Variants in GALK2 observed in about 807,000 individuals in gnomAD.
GALK2 encodes N-acetylgalactosamine kinase.
Under a neutral mutation model 52.4 loss-of-function variants are expected in GALK2, and 36 were observed. The observed-to-expected ratio is 0.69, with a 90% confidence interval of 0.53 to 0.91. The LOEUF (loss-of-function observed/expected upper bound fraction) is 0.91, where lower values mean the gene tolerates loss of function less well. GALK2 is among the 40% of genes least tolerant of loss of function. The pLI is 0.00. For missense variants in GALK2, 579 were observed against 559.1 expected (o/e 1.04, Z -0.36); for synonymous variants, 176 against 199.1 (o/e 0.88, Z 0.98).
chr15:49,178,446 A>G (rs111472613), intron 1 of GALK2: 5 of 254,242 alleles, frequency 2.0e-5, no homozygotes, highest in African/African-American at 2.3e-5. Flanking sequence ...CTCGTCTTCA[A>G]TGGACTTCAA....
At chr15:49,294,085 C>A (rs2034206390) in intron 8 of GALK2, among the ~76,000 whole-genome samples, 1 of 107,096 alleles carries the variant, frequency 9.3e-6, no homozygotes, top group African/African-American at 3.6e-5. Flanking sequence ...GAGACCCTGT[C>A]TCAAATAAAT....
intron 5 of GALK2, among the ~76,000 whole-genome samples, chr15:49,269,857 C>A (rs1426514385): frequency 1.3e-5 from 2 of 152,226 alleles, no homozygotes; most frequent in African/African-American, 2.4e-5. Flanking sequence ...AAACTCTATC[C>A]TTTCTATCTA....
At chr15:49,166,304 C>A (rs2084821275), upstream of GALK2, among the ~76,000 whole-genome samples, 1 of 152,102 alleles carries the variant, frequency 6.6e-6, no homozygotes, top group Non-Finnish European at 1.5e-5. Flanking sequence ...TCGGTTAAAG[C>A]ATTTTTGCAC....
chr15:49,197,959 A>C (rs1015894719), intron 1 of GALK2, among the ~76,000 whole-genome samples: 4 of 152,148 alleles, frequency 2.6e-5, no homozygotes, highest in African/African-American at 4.8e-5. Flanking sequence ...GGCTGTTGAA[A>C]AGCACTAATA....
chr15:49,157,960 G>A (rs918048702), intron 1 of GALK2, among the ~76,000 whole-genome samples: 2 of 152,100 alleles, frequency 1.3e-5, no homozygotes, highest in African/African-American at 4.8e-5. Context: ...ATGAAGATAA[G>A]TGAAATAGTA....
upstream of GALK2, chr15:49,170,241 C>G: frequency 6.5e-7 from 1 of 1,539,694 alleles, no homozygotes; most frequent in Non-Finnish European, 8.8e-7. Flanking sequence ...GAAAACGGCT[C>G]CTGTCACAGA....
At chr15:49,343,057 T>C (rs1215268291) in intron 3 of GALK2, among the ~76,000 whole-genome samples, 1 of 152,178 alleles carries the variant, frequency 6.6e-6, no homozygotes, top group Admixed American at 6.5e-5. Context: ...AATCTGGTTG[T>C]CTACCTCTCT....
chr15:49,328,393 T>G lies in GALK2; in HGVS notation c.*234T>G. On this transcript the variant is annotated 3_prime_UTR_variant, in exon 10 of 10. Transcript: ENST00000560031. Reference sequence around the variant, plus strand: ...AGCCAAGATCATGCTTGGACAGATCTTTTAAGAATAACTTACTGAGATTTA... The same window carrying G: ...AGCCAAGATCATGCTTGGACAGATCGTTTAAGAATAACTTACTGAGATTTA... 7.0e-7 allele frequency: 1 copy of G among 1,429,758 alleles called. No homozygotes were observed. The highest frequency in any genetic ancestry group is 9.1e-7 in the Non-Finnish European group (1 of 1,095,438). 88.6% of individuals were successfully genotyped at this position (1,429,758 alleles called of 1,614,324 possible).
chr15:49,319,258 C>G, intron 8 of GALK2: 1 of 353,090 alleles, frequency 2.8e-6, no homozygotes, highest in South Asian at 2.2e-5. Context: ...CTGGCCTACA[C>G]AAAGTAGTAT....
At chr15:49,308,404 A>G (rs2035720836) in intron 8 of GALK2, among the ~76,000 whole-genome samples, 1 of 152,208 alleles carries the variant, frequency 6.6e-6, no homozygotes, top group African/African-American at 2.4e-5. Context: ...CTAGGGTATG[A>G]AAGTCTCAGA....
chr15:49,191,001 C>T (rs73390399), intron 1 of GALK2, among the ~76,000 whole-genome samples: 1,534 of 152,122 alleles, frequency 0.01, 23 homozygotes, highest in African/African-American at 0.036. Context: ...TTTCTTTTAA[C>T]AGTTTAAAGA....
chr15:49,205,693 C>T (rs2088222087), intron 2 of GALK2, among the ~76,000 whole-genome samples: 1 of 152,164 alleles, frequency 6.6e-6, no homozygotes, highest in African/African-American at 2.4e-5. Flanking sequence ...TCTTTTTACT[C>T]TGCTGACTGT....
chr15:49,257,325 A>G (rs2091856786), intron 5 of GALK2, among the ~76,000 whole-genome samples: 1 of 152,158 alleles, frequency 6.6e-6, no homozygotes, highest in Admixed American at 6.6e-5. Context: ...AACCCGCTGA[A>G]TTTTGTCACC....
intron 1 of GALK2, among the ~76,000 whole-genome samples, chr15:49,183,768 G>A (rs948316092): frequency 6.6e-5 from 10 of 151,772 alleles, no homozygotes; most frequent in East Asian, 5.8e-4. Context: ...GCTTGAACCC[G>A]GGAGGCAGAG....
intron 1 of GALK2, among the ~76,000 whole-genome samples, chr15:49,188,361 G>C (rs115061858): frequency 6.6e-6 from 1 of 152,146 alleles, no homozygotes; most frequent in Non-Finnish European, 1.5e-5. Flanking sequence ...GCTTCCATGG[G>C]CACTGGCTGA....
intron 1 of GALK2, 39 bp from the exon 2 acceptor site, chr15:49,201,123 G>T (rs1169396163): frequency 1.8e-6 from 2 of 1,092,248 alleles, no homozygotes; most frequent in African/African-American, 1.6e-5. Context: ...CGGATTTTCT[G>T]TTATATGATA....
At chr15:49,260,970 C>T (rs1401287625) in intron 5 of GALK2, among the ~76,000 whole-genome samples, 30 of 151,818 alleles carry the variant, frequency 2.0e-4, no homozygotes, top group Non-Finnish European at 2.8e-4. Context: ...GTTACTGTAG[C>T]CTTGTAGTAT....
intron 5 of GALK2, among the ~76,000 whole-genome samples, chr15:49,256,911 A>G (rs537017511): frequency 6.6e-6 from 1 of 152,290 alleles, no homozygotes; most frequent in South Asian, 2.1e-4. Context: ...AAAAAAATGT[A>G]ATCTCATTTG....
At chr15:49,214,329 T>C (rs2089192623) in intron 2 of GALK2, among the ~76,000 whole-genome samples, 1 of 136,668 alleles carries the variant, frequency 7.3e-6, no homozygotes, top group South Asian at 2.4e-4. Flanking sequence ...CTTCACTTTG[T>C]CACTTTTTTT....
Sources: allele counts gnomAD v4.1 joint callset (sites outside exome capture counted in the v4.1 genomes callset), GRCh38; gene constraint gnomAD v4.1.1; transcripts MANE v1.5; gene names NCBI Gene and HGNC (gene_info 2026-07-23, HGNC 2026-07-21).